The following GNA12 variants were observed in gnomAD, a reference collection of about 807,000 sequenced individuals.
GNA12 encodes G protein subunit alpha 12, also known as guanine nucleotide-binding protein subunit alpha-12.
Under a neutral mutation model 26.0 loss-of-function variants are expected in GNA12, and 9 were observed. The ratio of observed to expected loss-of-function variants is 0.35; its 90% CI spans 0.21 to 0.60. The LOEUF (loss-of-function observed/expected upper bound fraction) is 0.60, where lower values mean the gene tolerates loss of function less well. GNA12 is among the 20% of genes least tolerant of loss of function. The probability of loss-of-function intolerance (pLI) is 0.78; values close to 1 mark genes in which losing one functional copy is unlikely to be tolerated. For missense variants in GNA12, 405 were observed against 525.8 expected, an observed-to-expected ratio of 0.77 and a Z score of 2.25; for synonymous variants, 264 against 219.6, an observed-to-expected ratio of 1.20 and a Z score of -1.79.
intron 2 of GNA12, among the ~76,000 whole-genome samples, chr7:2,779,083 G>T (rs1235901553): frequency 6.6e-6 from 1 of 152,170 alleles, no homozygotes; most frequent in African/African-American, 2.4e-5. Flanking sequence ...CTGAGGCTGG[G>T]CGTGGTGGCT....
intron 1 of GNA12, among the ~76,000 whole-genome samples, chr7:2,802,236 C>T (rs374686141): frequency 2.6e-5 from 4 of 151,516 alleles, no homozygotes; most frequent in African/African-American, 9.7e-5. Context: ...CAAATATAAA[C>T]GGTTAAAGTC....
chr7:2,749,222 T>C (rs1174028906), intron 2 of GNA12, among the ~76,000 whole-genome samples: 2 of 152,182 alleles, frequency 1.3e-5, no homozygotes, highest in African/African-American at 2.4e-5. Flanking sequence ...GTGTGTTTAT[T>C]GCGGCACTAT....
intron 2 of GNA12, among the ~76,000 whole-genome samples, chr7:2,766,246 T>C (rs757400738): frequency 6.6e-6 from 1 of 152,226 alleles, no homozygotes; most frequent in Non-Finnish European, 1.5e-5. Context: ...CTTAGCATAA[T>C]ATCCTCAAGG....
chr7:2,759,928 T>G (rs1455651176), intron 2 of GNA12, among the ~76,000 whole-genome samples: 1 of 152,220 alleles, frequency 6.6e-6, no homozygotes, highest in Non-Finnish European at 1.5e-5. Context: ...TTCTGCCACC[T>G]GCTCCTGCCA....
chr7:2,788,444 G>C (rs1323115385), intron 2 of GNA12, among the ~76,000 whole-genome samples: 1 of 152,220 alleles, frequency 6.6e-6, no homozygotes. Flanking sequence ...ATATGCAGCT[G>C]AGGACAGGAG....
intron 1 of GNA12, among the ~76,000 whole-genome samples, chr7:2,812,860 C>T (rs1793120124): frequency 6.6e-6 from 1 of 152,086 alleles, no homozygotes; most frequent in Admixed American, 6.5e-5. Context: ...GTTATTTGGC[C>T]CCTTTTTTGT....
chr7:2,761,023 G>A (rs897747822), intron 2 of GNA12, among the ~76,000 whole-genome samples: 1 of 152,238 alleles, frequency 6.6e-6, no homozygotes, highest in Non-Finnish European at 1.5e-5. Context: ...GGGACAGCAT[G>A]TTGTTTTAGA....
intron 1 of GNA12, among the ~76,000 whole-genome samples, chr7:2,796,846 A>AC (rs2115460563): frequency 6.6e-6 from 1 of 152,110 alleles, no homozygotes; most frequent in African/African-American, 2.4e-5. Context: ...CAAAAACAGC[A>AC]CCCCCTGAGC....
chr7:2,731,731 T>G lies in GNA12; in HGVS notation c.596A>C (p.Gln199Pro). 2 of 1,541,134 alleles carry G rather than the reference T, an allele frequency of 1.3e-6. No individual in the cohort carries two copies. Among genetic ancestry groups the G allele is most frequent in the African/African-American group, 1.4e-5 (1 of 72,936 alleles). ...IGQLNYFPSK[Q>P]DILLARKATK... is the part of the protein sequence containing the mutation. Reference sequence around the variant, plus strand: ...GGCTTTCCTAGCCAGCAGGATATCTTGCTTACTAGGAAAGTAATTCTGTAA... The same window carrying G: ...GGCTTTCCTAGCCAGCAGGATATCTGGCTTACTAGGAAAGTAATTCTGTAA... The change falls in exon 4 of 4, where the codon CAA becomes CCA. Residue 199 changes from glutamine to proline, a missense_variant. By Grantham distance (76) the Gln-to-Pro change is moderately conservative. Coordinates refer to ENST00000275364, the MANE Select transcript of GNA12 (RefSeq NM_007353.3). This position sits in a 1 kb window ranked among gnomAD's most constrained non-coding sequence, Gnocchi z 6.0.
chr7:2,765,452 C>A (rs1228509730), intron 2 of GNA12, among the ~76,000 whole-genome samples: 4 of 152,042 alleles, frequency 2.6e-5, no homozygotes, highest in Non-Finnish European at 4.4e-5. Flanking sequence ...AGCCACCGCG[C>A]CCAGCCTACA....
chr7:2,773,291 C>T (rs536362056), intron 2 of GNA12, among the ~76,000 whole-genome samples: 17 of 152,180 alleles, frequency 1.1e-4, no homozygotes, highest in Non-Finnish European at 2.2e-4. Flanking sequence ...AGGCTGGGGG[C>T]GGTGGCTCAC....
At chr7:2,732,217 C>A (rs1789932369) in intron 3 of GNA12, among the ~76,000 whole-genome samples, 1 of 152,186 alleles carries the variant, frequency 6.6e-6, no homozygotes, top group Non-Finnish European at 1.5e-5. Context: ...TAGCGACACA[C>A]AGGCAAGCAT....
intron 2 of GNA12, among the ~76,000 whole-genome samples, chr7:2,747,040 CAA>C (rs1290416134): frequency 6.6e-6 from 1 of 151,952 alleles, no homozygotes; most frequent in African/African-American, 2.4e-5. Flanking sequence ...GCTTACCAAC[CAA>C]AAAAAGTCCA....
chr7:2,733,492 C>T lies in GNA12; in HGVS notation c.535G>A (p.Val179Met), dbSNP rs771393290. 3.7e-6 allele frequency: 6 copies of T among 1,613,472 alleles called. No individual in the cohort carries two copies. The highest frequency in any genetic ancestry group is 5.1e-6 in the Non-Finnish European group (6 of 1,179,472). The change falls in exon 3 of 4, where the codon GTG becomes ATG. Residue 179 changes from valine to methionine, a missense_variant. Physicochemically the swap from Val to Met is conservative, Grantham distance 21. Coordinates refer to ENST00000275364, the MANE Select transcript of GNA12 (RefSeq NM_007353.3). ...TCCAAGTTGTCCAGGAAGTACTTCACCGACTCCCCCTGTCAGGAAGGAAGA... is the reference window on the plus strand; with the variant it reads ...TCCAAGTTGTCCAGGAAGTACTTCATCGACTCCCCCTGTCAGGAAGGAAGA... The part of the protein sequence containing the change: ...RRSEFQLGES[V>M]KYFLDNLDRI...
At chr7:2,732,477 T>C (rs1216105804) in intron 3 of GNA12, among the ~76,000 whole-genome samples, 1 of 151,972 alleles carries the variant, frequency 6.6e-6, no homozygotes, top group East Asian at 1.9e-4. Context: ...ACCTAGGAGG[T>C]TGAGGCTACA....
rs191128931 is a variant in GNA12, at chr7:2,762,486, G to A, written c.526-28985C>T. On this transcript the variant is annotated intron_variant, in intron 2 of 3. Coordinates refer to ENST00000275364, the MANE Select transcript of GNA12 (RefSeq NM_007353.3). Reference sequence around the variant, plus strand: ...GCCTCTGAACCCACCCGTGTGCGGGGCCTGAGGTGTGAGTAGCCTAACTGT... The same window carrying A: ...GCCTCTGAACCCACCCGTGTGCGGGACCTGAGGTGTGAGTAGCCTAACTGT... 4.9e-4 allele frequency: 365 copies of A among 741,324 alleles called. No individual in the cohort carries two copies. The East Asian group carries it at 9.2e-3, about 19-fold the overall frequency. 45.9% of individuals were successfully genotyped at this position (741,324 alleles called of 1,614,324 possible).
intron 1 of GNA12, among the ~76,000 whole-genome samples, chr7:2,817,677 C>CA (rs1356489383): frequency 1.3e-5 from 2 of 152,226 alleles, no homozygotes; most frequent in African/African-American, 4.8e-5. Context: ...CCCTGGCACT[C>CA]AGATGTTTGT....
At chr7:2,837,840 T>C (rs758919346) in intron 1 of GNA12, among the ~76,000 whole-genome samples, 3 of 140,328 alleles carry the variant, frequency 2.1e-5, no homozygotes, top group Non-Finnish European at 4.7e-5. Context: ...GAATAGGTAA[T>C]AAAAAAAAAA....
intron 2 of GNA12, among the ~76,000 whole-genome samples, chr7:2,752,063 C>T (rs1791067766): frequency 6.6e-6 from 1 of 152,032 alleles, no homozygotes; most frequent in Non-Finnish European, 1.5e-5. Context: ...AATTACAGAC[C>T]AACTCTCCCC....
Sources: gnomAD v4.1 joint callset for allele counts (sites outside exome capture counted in the v4.1 genomes callset) on GRCh38, gnomAD v4.1.1 for gene constraint, Gnocchi (gnomAD v3.1) non-coding constraint, MANE v1.5 for transcripts, NCBI Gene and HGNC (gene_info 2026-07-23, HGNC 2026-07-21) for gene names.